LSAMP: variants seen among roughly 807,000 people sequenced by gnomAD.
LSAMP encodes limbic system associated membrane protein.
LSAMP carries 7 observed loss-of-function variants against 38.6 expected under a neutral mutation model. The ratio of observed to expected loss-of-function variants is 0.18; its 90% CI spans 0.10 to 0.34. The LOEUF (loss-of-function observed/expected upper bound fraction) is 0.34. LSAMP is among the 10% of genes least tolerant of loss of function. LSAMP has a pLI of 1.00. For missense variants in LSAMP, 313 were observed against 420.0 expected, an observed-to-expected ratio of 0.75 and a Z score of 2.23; for synonymous variants, 154 against 166.8, an observed-to-expected ratio of 0.92 and a Z score of 0.59.
Position 115,842,588 on chromosome 3 carries a change from G to A in LSAMP, c.650-10C>T, listed in dbSNP as rs759425715. ...GTGATAGTGGGAGGATCTGTAGGAA[G>A]GACAGGCACACAAGTTTACATGAGG... On this transcript the variant is annotated splice_polypyrimidine_tract_variant and intron_variant, in intron 4 of 6. Coordinates refer to ENST00000490035, the MANE Select transcript of LSAMP (RefSeq NM_002338.5). 56 of 1,612,604 alleles carry A rather than the reference G, an allele frequency of 3.5e-5. No homozygotes were observed. Among genetic ancestry groups the A allele is most frequent in the Non-Finnish European group, 4.6e-5 (54 of 1,179,190 alleles).
At chr3:116,383,562 C>A (rs1406445615) in intron 1 of LSAMP, among the ~76,000 whole-genome samples, 3 of 151,862 alleles carry the variant, frequency 2.0e-5, no homozygotes, top group Non-Finnish European at 4.4e-5. Flanking sequence ...AAGTGCCTGT[C>A]CAGTATCCTC....
At chr3:115,961,319 C>T (rs1442695710) in intron 3 of LSAMP, among the ~76,000 whole-genome samples, 1 of 152,188 alleles carries the variant, frequency 6.6e-6, no homozygotes, top group Non-Finnish European at 1.5e-5. Context: ...TGGCCACATT[C>T]ACACAATTTT....
chr3:116,159,546 G>T (rs760285403), intron 1 of LSAMP, among the ~76,000 whole-genome samples: 2 of 151,984 alleles, frequency 1.3e-5, no homozygotes, highest in African/African-American at 4.8e-5. Flanking sequence ...TAAAAACCAC[G>T]AGATAATATC....
intron 2 of LSAMP, among the ~76,000 whole-genome samples, chr3:116,044,693 C>T (rs893942759): frequency 6.6e-6 from 1 of 151,984 alleles, no homozygotes; most frequent in Non-Finnish European, 1.5e-5. Context: ...CCACTGGTTT[C>T]TGATTAGAAG....
chr3:115,828,723 C>G (rs1225618686), intron 6 of LSAMP, among the ~76,000 whole-genome samples: 1 of 152,164 alleles, frequency 6.6e-6, no homozygotes, highest in Non-Finnish European at 1.5e-5. Flanking sequence ...AACCTAATCC[C>G]CAAATGTAAC....
chr3:116,308,226 G>A (rs968213884), intron 1 of LSAMP, among the ~76,000 whole-genome samples: 1 of 151,886 alleles, frequency 6.6e-6, no homozygotes, highest in Non-Finnish European at 1.5e-5. Context: ...CTCAGGACAA[G>A]CTCCCTCTAG....
At chr3:116,356,409 A>T (rs1004983224) in intron 1 of LSAMP, among the ~76,000 whole-genome samples, 1 of 152,180 alleles carries the variant, frequency 6.6e-6, no homozygotes, top group Non-Finnish European at 1.5e-5. Context: ...GAATAGAATG[A>T]TGGTTACCAG....
chr3:116,135,611 C>T (rs1255958618), intron 1 of LSAMP, among the ~76,000 whole-genome samples: 2 of 152,128 alleles, frequency 1.3e-5, no homozygotes, highest in Admixed American at 6.6e-5. Context: ...TCATCTTGGT[C>T]AAATGACAGA....
chr3:115,935,816 A>T (rs1937681649), intron 3 of LSAMP, among the ~76,000 whole-genome samples: 1 of 152,166 alleles, frequency 6.6e-6, no homozygotes. Context: ...GCAAGGTGTC[A>T]TGACACTTCT....
intron 1 of LSAMP, among the ~76,000 whole-genome samples, chr3:116,209,944 C>T (rs944787673): frequency 3.3e-5 from 5 of 151,932 alleles, no homozygotes; most frequent in Admixed American, 6.6e-5. Flanking sequence ...TTAGTAGAGA[C>T]GGAGTTTCAC....
chr3:115,928,471 C>A (rs543900873), intron 3 of LSAMP, among the ~76,000 whole-genome samples: 1 of 152,174 alleles, frequency 6.6e-6, no homozygotes, highest in Non-Finnish European at 1.5e-5. Context: ...AGGCTTACAC[C>A]GTATTTCCTT....
intron 3 of LSAMP, among the ~76,000 whole-genome samples, chr3:115,974,932 G>C (rs1244115661): frequency 6.6e-6 from 1 of 152,156 alleles, no homozygotes; most frequent in Non-Finnish European, 1.5e-5. Flanking sequence ...CCTTGGCCAA[G>C]AGGGGATCTG....
chr3:116,293,962 A>G (rs756159866), intron 1 of LSAMP, among the ~76,000 whole-genome samples: 1 of 152,298 alleles, frequency 6.6e-6, no homozygotes, highest in East Asian at 1.9e-4. Context: ...TACTACATGT[A>G]TGAGGACAGC....
chr3:115,842,199 G>T (rs1208663062), intron 5 of LSAMP, among the ~76,000 whole-genome samples: 1 of 152,206 alleles, frequency 6.6e-6, no homozygotes, highest in Non-Finnish European at 1.5e-5. Context: ...GAATGGGTTT[G>T]AGTTTCTGTT....
intron 2 of LSAMP, among the ~76,000 whole-genome samples, chr3:116,056,236 T>C (rs1358539867): frequency 6.6e-6 from 1 of 152,210 alleles, no homozygotes; most frequent in Non-Finnish European, 1.5e-5. Flanking sequence ...GTATGCATAA[T>C]GTTCTGGATA....
intron 1 of LSAMP, among the ~76,000 whole-genome samples, chr3:116,124,821 A>G (rs1464646340): frequency 3.3e-5 from 5 of 152,176 alleles, no homozygotes; most frequent in African/African-American, 1.2e-4. Context: ...GCTCATAAAT[A>G]CATGGAGGTT....
At chr3:116,395,090 G>GT (rs995882408) in intron 1 of LSAMP, among the ~76,000 whole-genome samples, 1 of 152,024 alleles carries the variant, frequency 6.6e-6, no homozygotes, top group African/African-American at 2.4e-5. Context: ...TTCTATTTGG[G>GT]TTTTTTCCCT....
At chr3:116,146,959 C>A (rs546739840) in intron 1 of LSAMP, among the ~76,000 whole-genome samples, 19 of 151,952 alleles carry the variant, frequency 1.3e-4, no homozygotes, top group African/African-American at 4.6e-4. Flanking sequence ...ACAAAATGAG[C>A]AAGATGACAT....
intron 2 of LSAMP, among the ~76,000 whole-genome samples, chr3:116,048,676 A>G (rs1941338222): frequency 6.6e-6 from 1 of 152,226 alleles, no homozygotes; most frequent in South Asian, 2.1e-4. Flanking sequence ...CTTATTACGT[A>G]TTAGAAACTA....
Sources: allele counts gnomAD v4.1 joint callset (sites outside exome capture counted in the v4.1 genomes callset), GRCh38; gene constraint gnomAD v4.1.1; transcripts MANE v1.5; gene names NCBI Gene and HGNC (gene_info 2026-07-23, HGNC 2026-07-21).